Variants in TMEM212 observed in about 807,000 individuals in gnomAD.
The protein encoded by TMEM212 is transmembrane protein 212.
Under a neutral mutation model 20.5 loss-of-function variants are expected in TMEM212, and 23 were observed. The ratio of observed to expected loss-of-function variants is 1.12; its 90% CI spans 0.81 to 1.59. The LOEUF (loss-of-function observed/expected upper bound fraction) is 1.59, where lower values mean the gene tolerates loss of function less well. TMEM212 is among the 40% of genes most tolerant of loss of function. The probability of loss-of-function intolerance (pLI) is 0.00; values close to 1 mark genes in which losing one functional copy is unlikely to be tolerated. For missense variants in TMEM212, 211 were observed against 215.0 expected, an observed-to-expected ratio of 0.98 and a Z score of 0.12; for synonymous variants, 76 against 81.6, an observed-to-expected ratio of 0.93 and a Z score of 0.37.
At chr3:171,853,088 G>T (rs1008570446) in intron 2 of TMEM212, among the ~76,000 whole-genome samples, 2 of 152,126 alleles carry the variant, frequency 1.3e-5, no homozygotes, top group African/African-American at 4.8e-5. Context: ...ATAAATAAAC[G>T]TTTGTTGAAT....
chr3:171,856,907 A>T (rs1018480972), intron 4 of TMEM212, 200 bp downstream of exon 4: 1 of 395,370 alleles, frequency 2.5e-6, no homozygotes, highest in African/African-American at 2.1e-5. Flanking sequence ...AAGGCATGTA[A>T]ATCTGCTCTT....
chr3:171,853,272 C>T (rs181256613), intron 2 of TMEM212, among the ~76,000 whole-genome samples: 61 of 151,028 alleles, frequency 4.0e-4, no homozygotes, highest in African/African-American at 7.6e-4. Flanking sequence ...ACATGTTAAC[C>T]TATGTGACAA....
At position 171,845,847 on chromosome 3, in the gene TMEM212, T is replaced by C. The variant is rs1056008029; in HGVS notation, c.159+2305T>C. ...TAAAAAGAGCCCACGTGTAAAACTG[T>C]CCAACCCTAAGATGCACAGTGAGAA... On this transcript the variant is annotated intron_variant, in intron 1 of 4. Transcript: ENST00000334567. Among the ~76,000 whole-genome samples, 7 of 152,150 alleles carry C rather than the reference T, an allele frequency of 4.6e-5. 1 individual carries two copies. Among genetic ancestry groups the C allele is most frequent in the Non-Finnish European group, 1.0e-4 (7 of 68,034 alleles).
chr3:171,849,672 T>C (rs1034094201), intron 1 of TMEM212, among the ~76,000 whole-genome samples: 11 of 152,238 alleles, frequency 7.2e-5, no homozygotes, highest in Admixed American at 7.2e-4. Flanking sequence ...ACCATATTAA[T>C]ATGATACCTC....
At position 171,846,426 on chromosome 3, in the gene TMEM212, T is replaced by C. The variant is rs73178234; in HGVS notation, c.159+2884T>C. Reference sequence around the variant, plus strand: ...ATTTTTCAATTTATTGTTTGTATATTCCCCTCTCCTCTAACAAATGTATAT... The same window carrying C: ...ATTTTTCAATTTATTGTTTGTATATCCCCCTCTCCTCTAACAAATGTATAT... On this transcript the variant is annotated intron_variant, in intron 1 of 4. Coordinates refer to ENST00000334567, the MANE Select transcript of TMEM212 (RefSeq NM_001164436.2). 9.5e-4 allele frequency among the ~76,000 whole-genome samples: 145 copies of C among 152,352 alleles called. 1 individual carries two copies. In the South Asian group the frequency reaches 9.5e-3, roughly 10 times the overall value.
intron 2 of TMEM212, among the ~76,000 whole-genome samples, chr3:171,852,483 T>C (rs149969297): frequency 2.0e-5 from 3 of 152,290 alleles, no homozygotes; most frequent in Non-Finnish European, 4.4e-5. Flanking sequence ...TTACAGGCAT[T>C]AGCTACTGCG....
In TMEM212 at chr3:171,843,454, T is replaced by A; in HGVS notation, c.71T>A (p.Val24Asp). ...TLGILSVCSG[V>D]IAFFPVFSYK... is the part of the protein sequence containing the mutation. ...GGGATCCTCAGTGTATGCTCTGGAGTTATTGCTTTCTTTCCTGTCTTTTCT... is the reference window on the plus strand; with the variant it reads ...GGGATCCTCAGTGTATGCTCTGGAGATATTGCTTTCTTTCCTGTCTTTTCT... Residue 24 changes from valine (V) to aspartate (D), a missense_variant, in exon 1 of 5, where the codon GTT becomes GAT. By Grantham distance (152) the Val-to-Asp change is radical (BLOSUM62 -3). Coordinates refer to ENST00000334567, the MANE Select transcript of TMEM212 (RefSeq NM_001164436.2). 1 of 1,537,048 alleles carries A rather than the reference T, an allele frequency of 6.5e-7. No individual in the cohort carries two copies. The highest frequency in any genetic ancestry group is 2.4e-5 in the East Asian group (1 of 40,902).
chr3:171,851,935 A>T (rs1259022669), intron 1 of TMEM212, 47 bp from the exon 2 acceptor site: 1 of 1,493,190 alleles, frequency 6.7e-7, no homozygotes, highest in Non-Finnish European at 9.0e-7. Context: ...CTCTTTCCAG[A>T]GGTACCTTCT....
At chr3:171,850,957 C>T (rs1179363070) in intron 1 of TMEM212, among the ~76,000 whole-genome samples, 2 of 152,284 alleles carry the variant, frequency 1.3e-5, no homozygotes, top group East Asian at 1.9e-4. Flanking sequence ...AAATATGCCA[C>T]ATCCAGCTGC....
intron 1 of TMEM212, among the ~76,000 whole-genome samples, chr3:171,851,232 G>T (rs1357451398): frequency 4.6e-5 from 7 of 152,132 alleles, no homozygotes; most frequent in Admixed American, 3.9e-4. Flanking sequence ...GACCACAAAG[G>T]TCTCCTCCAT....
intron 1 of TMEM212, among the ~76,000 whole-genome samples, chr3:171,849,004 T>C (rs965526100): frequency 6.6e-6 from 1 of 152,050 alleles, no homozygotes; most frequent in Admixed American, 6.5e-5. Flanking sequence ...TCAGACGTGC[T>C]AGACTGCATT....
intron 2 of TMEM212, among the ~76,000 whole-genome samples, chr3:171,853,156 T>C (rs780243081): frequency 1.1e-4 from 16 of 151,866 alleles, no homozygotes; most frequent in South Asian, 2.1e-4. Context: ...CTGGTGTAGA[T>C]TGAAAATGAA....
At chr3:171,848,968 G>A (rs567926290) in intron 1 of TMEM212, among the ~76,000 whole-genome samples, 5 of 151,632 alleles carry the variant, frequency 3.3e-5, no homozygotes, top group South Asian at 2.1e-4. Context: ...AATCTTTCAC[G>A]TTGCTTCATT....
In TMEM212 at chr3:171,843,371, G is replaced by A; in HGVS notation, c.-13G>A. 6.5e-7 allele frequency: 1 copy of A among 1,529,208 alleles called. No individual in the cohort carries two copies. Among genetic ancestry groups the A allele is most frequent in the Admixed American group, 2.0e-5 (1 of 50,062 alleles). 94.7% of individuals were successfully genotyped at this position (1,529,208 alleles called of 1,614,324 possible). ...AACATCTTTGAGACCAAGGCCTCAA[G>A]CCACCAAGGAAAATGAAGGGCCTCT... is the stretch of plus-strand genomic sequence containing the variant. On this transcript the variant is annotated 5_prime_UTR_variant, in exon 1 of 5. Transcript: ENST00000334567.
At chr3:171,844,221 T>G (rs1209007506) in intron 1 of TMEM212, among the ~76,000 whole-genome samples, 2 of 152,068 alleles carry the variant, frequency 1.3e-5, no homozygotes, top group Admixed American at 1.3e-4. Context: ...CCCTTAGCTC[T>G]CCAACCAAAA....
chr3:171,851,921 T>A (rs1724986018), intron 1 of TMEM212, 61 bp from the exon 2 acceptor site: 2 of 1,424,880 alleles, frequency 1.4e-6, no homozygotes, highest in Non-Finnish European at 1.9e-6. Context: ...TGAGACAGAT[T>A]GAACTCTTTC....
At chr3:171,857,837 C>CTTCTCAAAAGAAG (rs1725154761) in intron 4 of TMEM212, among the ~76,000 whole-genome samples, 1 of 152,082 alleles carries the variant, frequency 6.6e-6, no homozygotes, top group African/African-American at 2.4e-5. Flanking sequence ...ATCAAAACCA[C>CTTCTCAAAAGAAG]AATGAAATAT....
chr3:171,853,562 T>C lies in TMEM212; in HGVS notation c.255T>C (p.Ile85=). 3 of 1,537,184 alleles carry C rather than the reference T, an allele frequency of 2.0e-6. No individual in the cohort carries two copies. The highest frequency in any genetic ancestry group is 2.6e-6 in the Non-Finnish European group (3 of 1,146,838). ...CTTTCACCTTTGTGATTCTGAGCAT[T>C]ATGGGATGTCCACTTCATTTTGCAA... ...EATFTFVILS[I]MGCPLHFAIA... Residue 85 remains isoleucine (I), a synonymous_variant, in exon 3 of 5, where the codon ATT becomes ATC. Transcript: ENST00000334567.
intron 4 of TMEM212, among the ~76,000 whole-genome samples, chr3:171,857,326 A>G (rs1464836256): frequency 6.6e-6 from 1 of 152,192 alleles, no homozygotes; most frequent in Admixed American, 6.5e-5. Flanking sequence ...GGTGTTAGGA[A>G]AACTGGATAT....
Sources: allele counts gnomAD v4.1 joint callset (sites outside exome capture counted in the v4.1 genomes callset), GRCh38; gene constraint gnomAD v4.1.1; transcripts MANE v1.5; gene names NCBI Gene and HGNC (gene_info 2026-07-23, HGNC 2026-07-21).